ANKS1B: variants seen among roughly 807,000 people sequenced by gnomAD.
ANKS1B encodes ankyrin repeat and sterile alpha motif domain containing 1B.
ANKS1B carries 36 observed loss-of-function variants against 148.3 expected under a neutral mutation model. The observed-to-expected ratio is 0.24, with a 90% CI of 0.19 to 0.32. ANKS1B has a LOEUF of 0.32. ANKS1B is among the 10% of genes least tolerant of loss of function. The probability of loss-of-function intolerance (pLI) is 1.00; values close to 1 mark genes in which losing one functional copy is unlikely to be tolerated. For synonymous variants in ANKS1B, 542 were observed against 560.8 expected (o/e 0.97, Z 0.47); for missense variants, 1,157 against 1,542.6 (o/e 0.75, Z 4.19).
At chr12:99,772,844 C>T in intron 8 of ANKS1B, 78 bp downstream of exon 8, 1 of 1,356,572 alleles carries the variant, frequency 7.4e-7, no homozygotes, top group Non-Finnish European at 9.9e-7. Context: ...TAATGCACCA[C>T]ATCCCATACC....
intron 17 of ANKS1B, among the ~76,000 whole-genome samples, chr12:99,003,335 A>G (rs1037438022): frequency 2.0e-5 from 3 of 152,150 alleles, no homozygotes; most frequent in African/African-American, 7.2e-5. Context: ...TTCCATATAA[A>G]TTTTAGAATT....
At chr12:98,930,202 T>C (rs573806194) in intron 17 of ANKS1B, among the ~76,000 whole-genome samples, 3 of 152,222 alleles carry the variant, frequency 2.0e-5, no homozygotes, top group African/African-American at 7.2e-5. Context: ...GCCTCACTAG[T>C]CATCAGGGAA....
chr12:99,381,839 T>C (rs2152511549), intron 12 of ANKS1B, among the ~76,000 whole-genome samples: 1 of 152,240 alleles, frequency 6.6e-6, no homozygotes, highest in East Asian at 1.9e-4. Flanking sequence ...CAGATGATTA[T>C]GCTCTTAACT....
At chr12:99,940,220 A>C (rs2094884889) in intron 1 of ANKS1B, among the ~76,000 whole-genome samples, 1 of 152,206 alleles carries the variant, frequency 6.6e-6, no homozygotes, top group Non-Finnish European at 1.5e-5. Flanking sequence ...CAATGCCTCA[A>C]GGTATCTCTG....
chr12:98,969,291 G>C (rs1327906605), intron 17 of ANKS1B, among the ~76,000 whole-genome samples: 2 of 152,160 alleles, frequency 1.3e-5, no homozygotes, highest in East Asian at 3.9e-4. Flanking sequence ...CCAGGAAGAG[G>C]GCCAGGTGCC....
At chr12:99,196,206 A>G (rs1199194071) in intron 14 of ANKS1B, among the ~76,000 whole-genome samples, 6 of 152,190 alleles carry the variant, frequency 3.9e-5, no homozygotes, top group Admixed American at 3.9e-4. Context: ...CAGGCATAAC[A>G]ATAAAAATAT....
intron 12 of ANKS1B, among the ~76,000 whole-genome samples, chr12:99,329,692 G>T (rs1357680400): frequency 6.6e-6 from 1 of 151,670 alleles, no homozygotes; most frequent in East Asian, 1.9e-4. Context: ...TTAAAAATCT[G>T]CATTTCTTAT....
chr12:99,269,574 T>C (rs2076807908), intron 12 of ANKS1B, among the ~76,000 whole-genome samples: 2 of 152,300 alleles, frequency 1.3e-5, no homozygotes, highest in South Asian at 2.1e-4. Flanking sequence ...ATTATTCTTA[T>C]TTGAGACGGA....
At chr12:99,547,675 A>T (rs1013770171) in intron 9 of ANKS1B, among the ~76,000 whole-genome samples, 2 of 152,204 alleles carry the variant, frequency 1.3e-5, no homozygotes, top group Non-Finnish European at 2.9e-5. Context: ...TTTCATGTTC[A>T]ACATATGTAA....
chr12:99,498,869 G>A (rs1164624021), intron 10 of ANKS1B, among the ~76,000 whole-genome samples: 1 of 152,194 alleles, frequency 6.6e-6, no homozygotes, highest in Non-Finnish European at 1.5e-5. Flanking sequence ...TCCAAGAGAG[G>A]TCAGTAACTT....
At chr12:98,870,900 A>C (rs1595910299) in intron 17 of ANKS1B, among the ~76,000 whole-genome samples, 1 of 152,328 alleles carries the variant, frequency 6.6e-6, no homozygotes, top group South Asian at 2.1e-4. Context: ...ATGATTTTGT[A>C]AGAGGAGACA....
At chr12:99,312,349 CT>C (rs2083296631) in intron 12 of ANKS1B, among the ~76,000 whole-genome samples, 1 of 152,160 alleles carries the variant, frequency 6.6e-6, no homozygotes, top group African/African-American at 2.4e-5. Context: ...TAACTATTAT[CT>C]GCTATCCTTG....
chr12:99,731,366 G>A (rs767675913), intron 8 of ANKS1B, among the ~76,000 whole-genome samples: 1 of 151,402 alleles, frequency 6.6e-6, no homozygotes, highest in Non-Finnish European at 1.5e-5. Flanking sequence ...TGATCCACTC[G>A]CCTCTGCCTC....
At chr12:99,425,410 T>A (rs560736493) in intron 11 of ANKS1B, among the ~76,000 whole-genome samples, 70 of 152,094 alleles carry the variant, frequency 4.6e-4, no homozygotes, top group African/African-American at 1.6e-3. Context: ...TTTACAGAAT[T>A]GTTTCCTCTT....
At chr12:99,473,337 T>C (rs2096270661) in intron 10 of ANKS1B, among the ~76,000 whole-genome samples, 1 of 152,056 alleles carries the variant, frequency 6.6e-6, no homozygotes. Flanking sequence ...TATTAAAATT[T>C]ATCTTTTGAT....
chr12:99,175,053 C>T (rs929125921), intron 14 of ANKS1B, among the ~76,000 whole-genome samples: 7 of 152,174 alleles, frequency 4.6e-5, no homozygotes, highest in African/African-American at 1.7e-4. Flanking sequence ...GTAGCATTTA[C>T]ATAGCTAGCT....
intron 14 of ANKS1B, among the ~76,000 whole-genome samples, chr12:99,240,825 A>AAT (rs547244365): frequency 2.6e-5 from 4 of 152,344 alleles, no homozygotes. Flanking sequence ...TGAAGGCAGA[A>AAT]ATAAAGATGT....
chr12:99,205,923 C>T (rs1372147837), intron 14 of ANKS1B, among the ~76,000 whole-genome samples: 1 of 152,148 alleles, frequency 6.6e-6, no homozygotes, highest in African/African-American at 2.4e-5. Flanking sequence ...CCTCAGGTGT[C>T]TGACAGGGTC....
At chr12:98,736,417 GGAA>G (rs1041128125) in intron 9 of ANKS1B, among the ~76,000 whole-genome samples, 4 of 152,186 alleles carry the variant, frequency 2.6e-5, no homozygotes, top group Non-Finnish European at 5.9e-5. Flanking sequence ...CTGAGCAACT[GGAA>G]GAAGAGAGTT....
Sources: allele counts gnomAD v4.1 joint callset (sites outside exome capture counted in the v4.1 genomes callset), GRCh38; gene constraint gnomAD v4.1.1; transcripts MANE v1.5; gene names NCBI Gene and HGNC (gene_info 2026-07-23, HGNC 2026-07-21).